RBMS3: variants seen among roughly 807,000 people sequenced by gnomAD.
RBMS3 encodes the protein RNA binding motif single stranded interacting protein 3.
Under a neutral mutation model 66.8 loss-of-function variants are expected in RBMS3, and 27 were observed. The observed-to-expected ratio is 0.40, with a 90% CI of 0.30 to 0.56. The LOEUF (loss-of-function observed/expected upper bound fraction) is 0.56, where lower values mean the gene tolerates loss of function less well. Ranked by LOEUF, RBMS3 falls within the 20% of genes least tolerant of loss-of-function variation. The probability of loss-of-function intolerance (pLI) is 0.40; values close to 1 mark genes in which losing one functional copy is unlikely to be tolerated. For synonymous variants in RBMS3, 188 were observed against 183.0 expected, an observed-to-expected ratio of 1.03 and a Z score of -0.22; for missense variants, 513 against 549.5, an observed-to-expected ratio of 0.93 and a Z score of 0.66.
Position 29,367,351 on chromosome 3 carries a change from A to G in RBMS3, c.76-67392A>G, listed in dbSNP as rs185991616. Among the ~76,000 whole-genome samples the G allele has an allele frequency of 1.9e-3, 295 of 152,272 alleles. 1 individual carries two copies. Among genetic ancestry groups the G allele is most frequent in the African/African-American group, 6.9e-3 (285 of 41,576 alleles). On this transcript the variant is annotated intron_variant, in intron 1 of 14. Coordinates refer to ENST00000383767, the MANE Select transcript of RBMS3 (RefSeq NM_001003793.3). ...TAATAACCTGAAAAACAGTTGGGAT[A>G]TATTAAGAAAGCAACATACAATGTG...
chr3:29,423,503 A>T (rs2040830757), intron 1 of RBMS3, among the ~76,000 whole-genome samples: 1 of 152,200 alleles, frequency 6.6e-6, no homozygotes, highest in Non-Finnish European at 1.5e-5. Context: ...CTAAAAGGAG[A>T]TTAATTACAT....
chr3:29,576,655 A>G (rs1330029530), intron 3 of RBMS3, among the ~76,000 whole-genome samples: 1 of 152,146 alleles, frequency 6.6e-6, no homozygotes, highest in Non-Finnish European at 1.5e-5. Flanking sequence ...AATTTGACTG[A>G]TGCTCTGTTA....
chr3:29,780,544 T>C (rs2056594663), intron 6 of RBMS3, among the ~76,000 whole-genome samples: 1 of 152,138 alleles, frequency 6.6e-6, no homozygotes, highest in South Asian at 2.1e-4. Context: ...TCATTAATAT[T>C]CATTTCTGTA....
intron 4 of RBMS3, among the ~76,000 whole-genome samples, chr3:29,678,755 G>C (rs1018396115): frequency 7.9e-5 from 12 of 152,074 alleles, no homozygotes; most frequent in African/African-American, 2.7e-4. Context: ...AAGGCTACGG[G>C]ATACTGGATT....
intron 9 of RBMS3, among the ~76,000 whole-genome samples, chr3:29,898,295 T>A (rs1160944926): frequency 1.3e-5 from 2 of 151,696 alleles, no homozygotes; most frequent in African/African-American, 4.8e-5. Flanking sequence ...TAGTGTCATT[T>A]CTTAAAAGTT....
intron 3 of RBMS3, among the ~76,000 whole-genome samples, chr3:29,582,273 A>G (rs1483698850): frequency 6.6e-6 from 1 of 152,184 alleles, no homozygotes; most frequent in Non-Finnish European, 1.5e-5. Flanking sequence ...ACTTTAAATT[A>G]ACACACAGGG....
At chr3:29,912,394 G>A (rs1370940812) in intron 10 of RBMS3, among the ~76,000 whole-genome samples, 1 of 151,852 alleles carries the variant, frequency 6.6e-6, no homozygotes, top group Non-Finnish European at 1.5e-5. Flanking sequence ...AACTTATTAG[G>A]GAAAATGATG....
intron 4 of RBMS3, among the ~76,000 whole-genome samples, chr3:29,734,266 G>A (rs1360594022): frequency 6.6e-6 from 1 of 152,042 alleles, no homozygotes; most frequent in Non-Finnish European, 1.5e-5. Context: ...GTGGGGATAT[G>A]GGGCTCTTTT....
At chr3:29,568,703 A>T (rs544248653) in intron 3 of RBMS3, among the ~76,000 whole-genome samples, 1 of 152,308 alleles carries the variant, frequency 6.6e-6, no homozygotes, top group African/African-American at 2.4e-5. Context: ...GTGCCTTTCA[A>T]CTACAACAGT....
chr3:29,837,306 A>G (rs1235645790), intron 6 of RBMS3, among the ~76,000 whole-genome samples: 1 of 151,786 alleles, frequency 6.6e-6, no homozygotes, highest in Admixed American at 6.6e-5. Flanking sequence ...ATTTCTTAAA[A>G]CCTTATACGT....
chr3:29,919,981 T>C (rs1180586723), intron 10 of RBMS3, among the ~76,000 whole-genome samples: 1 of 152,222 alleles, frequency 6.6e-6, no homozygotes, highest in Non-Finnish European at 1.5e-5. Context: ...ACTCCAGAAC[T>C]CTTTAGAAAA....
intron 6 of RBMS3, among the ~76,000 whole-genome samples, chr3:29,765,005 A>G (rs141476860): frequency 6.6e-6 from 1 of 152,070 alleles, no homozygotes; most frequent in Non-Finnish European, 1.5e-5. Context: ...AGAACTAAAT[A>G]CAGAATATTG....
chr3:29,409,256 A>C (rs1469609682), intron 1 of RBMS3, among the ~76,000 whole-genome samples: 2 of 152,134 alleles, frequency 1.3e-5, no homozygotes, highest in East Asian at 3.9e-4. Flanking sequence ...ACGTGGTACC[A>C]ATTGGGGTTA....
At chr3:29,901,740 C>T (rs868140734) in intron 10 of RBMS3, among the ~76,000 whole-genome samples, 4 of 151,750 alleles carry the variant, frequency 2.6e-5, no homozygotes, top group Non-Finnish European at 4.4e-5. Context: ...AATTATGCAT[C>T]GTGCTTGAGC....
intron 6 of RBMS3, among the ~76,000 whole-genome samples, chr3:29,785,755 T>G (rs888435866): frequency 6.6e-6 from 1 of 152,098 alleles, no homozygotes; most frequent in Non-Finnish European, 1.5e-5. Context: ...AGAGAAAAGT[T>G]GAAAGGATTC....
chr3:29,669,000 G>T (rs538271797), intron 4 of RBMS3, among the ~76,000 whole-genome samples: 1 of 152,296 alleles, frequency 6.6e-6, no homozygotes, highest in South Asian at 2.1e-4. Context: ...TTCCCACTTA[G>T]TTGATGGAAG....
At chr3:29,472,194 A>ATTT (rs11326167) in intron 2 of RBMS3, among the ~76,000 whole-genome samples, 1 of 139,930 alleles carries the variant, frequency 7.1e-6, no homozygotes, top group Non-Finnish European at 1.6e-5. Context: ...GCCTCTTCTA[A>ATTT]TTTTTTTTTT....
At chr3:29,626,761 A>G (rs536510317) in intron 4 of RBMS3, among the ~76,000 whole-genome samples, 1 of 152,308 alleles carries the variant, frequency 6.6e-6, no homozygotes, top group Non-Finnish European at 1.5e-5. Flanking sequence ...AAATAGAACA[A>G]GGACATAGTG....
intron 3 of RBMS3, among the ~76,000 whole-genome samples, chr3:29,524,759 T>C (rs944252714): frequency 5.9e-5 from 9 of 151,916 alleles, no homozygotes; most frequent in Non-Finnish European, 8.8e-5. Flanking sequence ...TCTGAAAAAA[T>C]GACCTCTTGA....
Sources: gnomAD v4.1 joint callset for allele counts (sites outside exome capture counted in the v4.1 genomes callset) on GRCh38, gnomAD v4.1.1 for gene constraint, MANE v1.5 for transcripts, NCBI Gene and HGNC (gene_info 2026-07-23, HGNC 2026-07-21) for gene names.